OR1L8: variants seen among roughly 807,000 people sequenced by gnomAD.
OR1L8 encodes olfactory receptor family 1 subfamily L member 8, also known as olfactory receptor 1L8.
For synonymous variants in OR1L8, 148 were observed against 147.0 expected (o/e 1.01, Z -0.05); for missense variants, 330 against 377.4 (o/e 0.87, Z 1.04).
At chr9:122,559,944 C>G in the OR1L8 span, among the ~76,000 whole-genome samples, 7 of 152,250 alleles carry the variant, frequency 4.6e-5, no homozygotes, top group African/African-American at 1.7e-4. Context: ...AAGTCTCCCA[C>G]TATTATTGTG....
intron 3 of OR1L8, among the ~76,000 whole-genome samples, chr9:122,573,439 C>G (rs141632064): frequency 3.2e-4 from 48 of 152,292 alleles, no homozygotes; most frequent in African/African-American, 1.0e-3. Context: ...TTTGGCCATT[C>G]TAATGGGTAT....
the OR1L8 span, chr9:122,553,448 C>T: frequency 1.9e-6 from 3 of 1,614,152 alleles, no homozygotes; most frequent in East Asian, 2.2e-5. Context: ...TCACTTCTGC[C>T]TCCATCCCCA....
At chr9:122,561,907 G>A in the OR1L8 span, among the ~76,000 whole-genome samples, 1 of 152,150 alleles carries the variant, frequency 6.6e-6, no homozygotes, top group Non-Finnish European at 1.5e-5. Flanking sequence ...TACTCATCTG[G>A]GCTGCCCAGA....
intron 4 of OR1L8, among the ~76,000 whole-genome samples, chr9:122,569,777 C>T (rs1829506773): frequency 6.6e-6 from 1 of 152,068 alleles, no homozygotes; most frequent in Admixed American, 6.6e-5. Context: ...GTGCTGCACC[C>T]ATTAACTCGT....
the OR1L8 span, among the ~76,000 whole-genome samples, chr9:122,548,152 T>C: frequency 6.6e-6 from 1 of 152,182 alleles, no homozygotes; most frequent in Non-Finnish European, 1.5e-5. Flanking sequence ...TACAGAGCCT[T>C]AAGGAAATGA....
At chr9:122,563,940 G>C (rs1400615994), downstream of OR1L8, among the ~76,000 whole-genome samples, 1 of 152,048 alleles carries the variant, frequency 6.6e-6, no homozygotes, top group South Asian at 2.1e-4. Context: ...ATTTATTTTT[G>C]GGTTGTCTAT....
the OR1L8 span, among the ~76,000 whole-genome samples, chr9:122,556,426 T>C: frequency 2.0e-5 from 3 of 152,064 alleles, no homozygotes; most frequent in Non-Finnish European, 4.4e-5. Context: ...TTTATTCTGT[T>C]ATATTGATCT....
At chr9:122,554,102 C>G in the OR1L8 span, 1 of 1,613,650 alleles carries the variant, frequency 6.2e-7, no homozygotes, top group Non-Finnish European at 8.5e-7. Flanking sequence ...GCTTGAGGAA[C>G]AGAGACATGA....
chr9:122,565,306 A>G (rs1054271387), downstream of OR1L8, among the ~76,000 whole-genome samples: 3 of 152,256 alleles, frequency 2.0e-5, no homozygotes, highest in African/African-American at 7.2e-5. Flanking sequence ...TCTGTGTCCC[A>G]TGTAAATACT....
At chr9:122,550,742 A>T in the OR1L8 span, among the ~76,000 whole-genome samples, 1 of 152,122 alleles carries the variant, frequency 6.6e-6, no homozygotes, top group Non-Finnish European at 1.5e-5. Context: ...CCTAGAAGGA[A>T]TATACCTAAA....
chr9:122,548,595 A>G, the OR1L8 span, among the ~76,000 whole-genome samples: 1 of 151,598 alleles, frequency 6.6e-6, no homozygotes, highest in African/African-American at 2.4e-5. Context: ...ATTTTTATAT[A>G]TATATATTTT....
intron 1 of OR1L8, among the ~76,000 whole-genome samples, chr9:122,581,505 A>G (rs1017143493): frequency 1.3e-5 from 2 of 152,232 alleles, no homozygotes; most frequent in Non-Finnish European, 2.9e-5. Context: ...GTTTCTAGCA[A>G]TTAGGCAAAC....
chr9:122,568,549 G>T lies in OR1L8; in HGVS notation c.-72C>A. On this transcript the variant is annotated 5_prime_UTR_variant, in exon 5 of 5. Coordinates refer to ENST00000641027, the MANE Select transcript of OR1L8 (RefSeq NM_001004454.2). ...TCTGATTTCATAACACCAATCATGA[G>T]AACCTAGCAAGTCTTTGTTTCTTCT... is the stretch of plus-strand genomic sequence containing the variant. 2 of 879,506 alleles carry T rather than the reference G, an allele frequency of 2.3e-6. No individual in the cohort carries two copies. The highest frequency in any genetic ancestry group is 3.5e-6 in the Non-Finnish European group (2 of 565,380). The allele number at this position is 879,506 out of a possible 1,614,324, so 54.5% of individuals were successfully genotyped here.
At chr9:122,580,244 A>G (rs886240502) in intron 1 of OR1L8, among the ~76,000 whole-genome samples, 1 of 152,226 alleles carries the variant, frequency 6.6e-6, no homozygotes, top group African/African-American at 2.4e-5. Flanking sequence ...ACGTCATTTC[A>G]ATATTTTAAA....
At chr9:122,572,149 G>C (rs889550852) in intron 4 of OR1L8, among the ~76,000 whole-genome samples, 4 of 152,132 alleles carry the variant, frequency 2.6e-5, no homozygotes, top group Non-Finnish European at 5.9e-5. Flanking sequence ...CATGATACTA[G>C]CACCAGTGAC....
chr9:122,550,656 T>G, the OR1L8 span, among the ~76,000 whole-genome samples: 1 of 151,358 alleles, frequency 6.6e-6, no homozygotes, highest in East Asian at 1.9e-4. Context: ...AACCTTATAA[T>G]CATCTCAATA....
chr9:122,552,749 A>AGTGTGTGTGTGTGTGTGTGTGTGT, the OR1L8 span, among the ~76,000 whole-genome samples: 4 of 129,662 alleles, frequency 3.1e-5, no homozygotes, highest in South Asian at 2.8e-4. Context: ...AGAGGGCTTG[A>AGTGTGTGTGTGTGTGTGTGTGTGT]GTGTGTGTGT....
At chr9:122,560,904 A>G in the OR1L8 span, among the ~76,000 whole-genome samples, 1 of 152,140 alleles carries the variant, frequency 6.6e-6, no homozygotes, top group East Asian at 1.9e-4. Context: ...TCTCCTAGAT[A>G]ATATCCTGAA....
rs143602904 is a variant in OR1L8, at chr9:122,567,704, A to G, written c.774T>C (p.Cys258=). ...VVTLFYGSIF[C]VYLQPPSTYA... is the part of the protein sequence containing the mutation. The stretch of plus-strand genomic sequence containing the variant: ...AGGTGGATGGGGGCTGTAAATAGAC[A>G]CAGAAGATGCTTCCATAAAAGAGCG... Residue 258 remains cysteine, a synonymous_variant, in exon 5 of 5, where the codon TGT becomes TGC. Transcript: ENST00000641027. 13 of 1,614,068 alleles carry G rather than the reference A, an allele frequency of 8.1e-6. No individual in the cohort carries two copies. Among genetic ancestry groups the G allele is most frequent in the Middle Eastern group, 1.7e-4 (1 of 6,060 alleles).
Sources: gnomAD v4.1 joint callset for allele counts (sites outside exome capture counted in the v4.1 genomes callset) on GRCh38, gnomAD v4.1.1 for gene constraint, MANE v1.5 for transcripts, NCBI Gene and HGNC (gene_info 2026-07-23, HGNC 2026-07-21) for gene names.